FAM110B: variants seen among roughly 807,000 people sequenced by gnomAD.
The protein encoded by FAM110B is family with sequence similarity 110 member B, also known as protein FAM110B.
FAM110B carries 6 observed loss-of-function variants against 20.4 expected under a neutral mutation model. That is an observed-to-expected ratio of 0.29 (90% CI 0.16 to 0.58). The LOEUF (loss-of-function observed/expected upper bound fraction) is 0.58, where lower values mean the gene tolerates loss of function less well. Among genes scored for constraint, FAM110B ranks in the 20% least tolerant of loss-of-function variants. The pLI is 0.90. For missense variants in FAM110B, 434 were observed against 498.2 expected (o/e 0.87, Z 1.23); for synonymous variants, 226 against 214.1 (o/e 1.06, Z -0.49).
intron 3 of FAM110B, among the ~76,000 whole-genome samples, chr8:58,098,553 G>A (rs897637722): frequency 1.1e-4 from 16 of 152,122 alleles, no homozygotes; most frequent in Non-Finnish European, 1.9e-4. Context: ...GGGAGTGAAC[G>A]GTTCTGTCTT....
intron 1 of FAM110B, among the ~76,000 whole-genome samples, chr8:58,012,776 G>A (rs543707795): frequency 3.3e-5 from 5 of 152,326 alleles, no homozygotes; most frequent in Non-Finnish European, 7.3e-5. Flanking sequence ...TAGTAACAGG[G>A]ACATTGGTGC....
chr8:58,113,412 T>G (rs889982018), intron 3 of FAM110B: 1 of 203,294 alleles, frequency 4.9e-6, no homozygotes, highest in African/African-American at 2.3e-5. Context: ...AAACCTTGAC[T>G]GTTTTGCCAG....
At chr8:58,137,619 C>T (rs1803650825) in intron 3 of FAM110B, among the ~76,000 whole-genome samples, 1 of 152,058 alleles carries the variant, frequency 6.6e-6, no homozygotes, top group Non-Finnish European at 1.5e-5. Context: ...TGACCAAGCA[C>T]TTTCATGTGT....
chr8:58,080,069 T>G (rs557346211), intron 3 of FAM110B, among the ~76,000 whole-genome samples: 1 of 152,318 alleles, frequency 6.6e-6, no homozygotes, highest in African/African-American at 2.4e-5. Context: ...AGATATGGGA[T>G]ATATGTAATA....
intron 3 of FAM110B, among the ~76,000 whole-genome samples, chr8:58,140,377 T>G (rs1436685733): frequency 6.6e-6 from 1 of 152,084 alleles, no homozygotes; most frequent in Non-Finnish European, 1.5e-5. Context: ...CCTCAAGAGG[T>G]AGGTACTATT....
rs139827189 is a variant in FAM110B at position 58,024,882 on chromosome 8, T to C, written c.-511-6724T>C. On this transcript the variant is annotated intron_variant, in intron 1 of 3. Coordinates refer to ENST00000519262, the MANE Select transcript of FAM110B (RefSeq NM_001377989.1). ...TATTAGCTAATCATTTTGGTTCTTATGTTATATCCCAACTTAAGGCAGCCT... is the reference window on the plus strand; with the variant it reads ...TATTAGCTAATCATTTTGGTTCTTACGTTATATCCCAACTTAAGGCAGCCT... Among the ~76,000 whole-genome samples, 598 of 152,352 alleles carry C rather than the reference T, an allele frequency of 3.9e-3. 7 individuals are homozygous for C. The highest frequency in any genetic ancestry group is 0.013 in the African/African-American group (558 of 41,588).
intron 3 of FAM110B, among the ~76,000 whole-genome samples, chr8:58,076,641 C>T (rs1271817008): frequency 6.6e-6 from 1 of 152,144 alleles, no homozygotes. Flanking sequence ...ATGATTCCCT[C>T]TTTTATGGAG....
intron 2 of FAM110B, among the ~76,000 whole-genome samples, chr8:58,048,583 C>A (rs1805376364): frequency 1.3e-5 from 2 of 152,170 alleles, no homozygotes; most frequent in African/African-American, 2.4e-5. Context: ...GTAGATAGTT[C>A]TTTGGGGTGT....
At chr8:58,005,284 C>T (rs1383362858) in intron 1 of FAM110B, among the ~76,000 whole-genome samples, 1 of 152,164 alleles carries the variant, frequency 6.6e-6, no homozygotes, top group Non-Finnish European at 1.5e-5. Context: ...AGTCAGAACA[C>T]ATACATTTAT....
At chr8:58,043,894 G>A (rs1805271206) in intron 2 of FAM110B, among the ~76,000 whole-genome samples, 1 of 152,188 alleles carries the variant, frequency 6.6e-6, no homozygotes, top group African/African-American at 2.4e-5. Context: ...AAGTAGTGAA[G>A]CAGGTACTTG....
chr8:58,038,078 T>G (rs1418272145), intron 2 of FAM110B, among the ~76,000 whole-genome samples: 1 of 152,210 alleles, frequency 6.6e-6, no homozygotes, highest in Non-Finnish European at 1.5e-5. Context: ...TTTTGTTTCT[T>G]TAATCTTCGA....
intron 3 of FAM110B, among the ~76,000 whole-genome samples, chr8:58,103,275 A>G (rs1270746938): frequency 1.3e-5 from 2 of 150,648 alleles, no homozygotes; most frequent in African/African-American, 4.9e-5. Context: ...GCACCCACTA[A>G]CTCGTCATCT....
intron 1 of FAM110B, among the ~76,000 whole-genome samples, chr8:58,008,847 C>T (rs1376015934): frequency 1.3e-5 from 2 of 152,178 alleles, no homozygotes; most frequent in East Asian, 1.9e-4. Flanking sequence ...GCAGCTGATG[C>T]TCAGCAGCTC....
chr8:58,044,546 G>A (rs944105086), intron 2 of FAM110B, among the ~76,000 whole-genome samples: 2 of 152,184 alleles, frequency 1.3e-5, no homozygotes, highest in African/African-American at 4.8e-5. Context: ...CTGTTAGGGT[G>A]GCAGCTGAAC....
At chr8:58,090,305 G>A (rs1167715309) in intron 3 of FAM110B, among the ~76,000 whole-genome samples, 1 of 152,096 alleles carries the variant, frequency 6.6e-6, no homozygotes, top group Non-Finnish European at 1.5e-5. Flanking sequence ...GACTACAGGC[G>A]CATGCCGCCA....
At chr8:58,079,763 A>G (rs770381750) in intron 3 of FAM110B, among the ~76,000 whole-genome samples, 8 of 152,008 alleles carry the variant, frequency 5.3e-5, no homozygotes, top group Non-Finnish European at 1.2e-4. Flanking sequence ...CCTAAGTGAC[A>G]GAGCCAAGAC....
intron 3 of FAM110B, among the ~76,000 whole-genome samples, chr8:58,093,425 A>G (rs940338801): frequency 6.6e-5 from 10 of 152,208 alleles, no homozygotes; most frequent in African/African-American, 2.4e-4. Flanking sequence ...TTAATTTTTT[A>G]TAAGGTGTAA....
chr8:58,069,533 G>T (rs1485496222), intron 2 of FAM110B, among the ~76,000 whole-genome samples: 2 of 152,140 alleles, frequency 1.3e-5, no homozygotes, highest in African/African-American at 4.8e-5. Flanking sequence ...TTGTGTAGTG[G>T]CCAAATGTGT....
intron 3 of FAM110B, among the ~76,000 whole-genome samples, chr8:58,131,416 T>TC (rs1803461127): frequency 6.6e-6 from 1 of 152,058 alleles, no homozygotes; most frequent in Non-Finnish European, 1.5e-5. Flanking sequence ...GAGCCACTGC[T>TC]CCCAGCCCAT....
Sources: gnomAD v4.1 joint callset for allele counts (sites outside exome capture counted in the v4.1 genomes callset) on GRCh38, gnomAD v4.1.1 for gene constraint, MANE v1.5 for transcripts, NCBI Gene and HGNC (gene_info 2026-07-23, HGNC 2026-07-21) for gene names.